Variants in CSMD2 observed in about 807,000 individuals in gnomAD.
CSMD2 encodes CUB and sushi domain-containing protein 2.
A neutral mutation model predicts 398.5 loss-of-function variants in CSMD2; 130 were observed. The observed-to-expected ratio is 0.33, with a 90% confidence interval of 0.28 to 0.38. CSMD2 has a LOEUF of 0.38. Among genes scored for constraint, CSMD2 ranks in the 10% least tolerant of loss-of-function variants. The pLI is 1.00. For missense variants in CSMD2, 3,829 were observed against 4,764.9 expected (o/e 0.80, Z 5.78); for synonymous variants, 1,828 against 1,908.5 (o/e 0.96, Z 1.10).
intron 11 of CSMD2, 136 bp downstream of exon 11, chr1:33,792,287 T>A: frequency 1.5e-6 from 1 of 680,954 alleles, no homozygotes; most frequent in Non-Finnish European, 2.7e-6. Context: ...GAAGGATTAT[T>A]GCTGAAACTA....
At chr1:34,035,586 C>T (rs1651009818) in intron 2 of CSMD2, among the ~76,000 whole-genome samples, 3 of 151,852 alleles carry the variant, frequency 2.0e-5, no homozygotes, top group Admixed American at 2.0e-4. Flanking sequence ...ACCATATTAA[C>T]AGGTTAAAGG....
At chr1:34,010,397 G>A (rs988526611) in intron 3 of CSMD2, among the ~76,000 whole-genome samples, 1 of 152,160 alleles carries the variant, frequency 6.6e-6, no homozygotes, top group African/African-American at 2.4e-5. Flanking sequence ...CATTTAAAAT[G>A]TGCCACATAG....
In CSMD2 at chr1:33,815,919, C is replaced by A. The variant is rs551660102; in HGVS notation, c.1324+3794G>T. Among the ~76,000 whole-genome samples the A allele has an allele frequency of 1.5e-4, 23 of 152,198 alleles. No individual in the cohort carries two copies. In the South Asian group the frequency reaches 4.8e-3, roughly 32 times the overall value. ...GAAGAGAGGAAAGAAGAGAAGAGATCTGAAAATAGAACTCTGGATAACAAT... is the reference window on the plus strand; with the variant it reads ...GAAGAGAGGAAAGAAGAGAAGAGATATGAAAATAGAACTCTGGATAACAAT... On this transcript the variant is annotated intron_variant, in intron 9 of 70. Coordinates refer to ENST00000373381, the MANE Select transcript of CSMD2 (RefSeq NM_001281956.2).
intron 51 of CSMD2, among the ~76,000 whole-genome samples, chr1:33,570,127 GT>G (rs1386623481): frequency 6.6e-6 from 1 of 150,708 alleles, no homozygotes; most frequent in African/African-American, 2.4e-5. Flanking sequence ...CTGCACCACA[GT>G]GTGCAAAGAC....
intron 44 of CSMD2, chr1:33,592,346 C>A (rs1435536748): frequency 1.4e-6 from 1 of 714,692 alleles, no homozygotes; most frequent in South Asian, 1.5e-5. Context: ...TCTCTTGGGT[C>A]CTATTTCAAC....
chr1:34,077,855 T>C, intron 2 of CSMD2, among the ~76,000 whole-genome samples: 1 of 151,726 alleles, frequency 6.6e-6, no homozygotes, highest in Non-Finnish European at 1.5e-5. Context: ...ATTTGGGTGA[T>C]GGATACAACT....
intron 1 of CSMD2, among the ~76,000 whole-genome samples, chr1:34,159,328 GCC>G (rs753448817): frequency 2.5e-5 from 2 of 80,548 alleles, no homozygotes; most frequent in Non-Finnish European, 5.0e-5. Flanking sequence ...TTTACAGCCT[GCC>G]CCCCCCCCAC....
intron 28 of CSMD2, among the ~76,000 whole-genome samples, chr1:33,647,955 C>T (rs1218265937): frequency 6.6e-6 from 1 of 152,166 alleles, no homozygotes; most frequent in East Asian, 1.9e-4. Flanking sequence ...AAGCCAACAC[C>T]ATAGACATCT....
chr1:33,763,006 G>A (rs2149306625), intron 13 of CSMD2, among the ~76,000 whole-genome samples: 1 of 152,286 alleles, frequency 6.6e-6, no homozygotes. Flanking sequence ...CACGGACCCT[G>A]GGAGACTACA....
At chr1:33,962,231 T>C (rs910936621) in intron 3 of CSMD2, among the ~76,000 whole-genome samples, 4 of 152,074 alleles carry the variant, frequency 2.6e-5, no homozygotes, top group African/African-American at 9.7e-5. Flanking sequence ...TCAGGCTTCA[T>C]CCATTTTTAA....
chr1:34,077,892 A>G (rs894768278), intron 2 of CSMD2, among the ~76,000 whole-genome samples: 10 of 152,308 alleles, frequency 6.6e-5, no homozygotes, highest in African/African-American at 2.2e-4. Flanking sequence ...CCATTGTGCA[A>G]TGTATCCATG....
chr1:33,864,533 G>A (rs376207122), intron 5 of CSMD2: 2 of 1,614,130 alleles, frequency 1.2e-6, no homozygotes, highest in Non-Finnish European at 1.7e-6. Flanking sequence ...TGAAGAGGGA[G>A]AACCCGAACT....
chr1:33,894,270 C>T (rs1642234208), intron 5 of CSMD2, among the ~76,000 whole-genome samples: 1 of 152,082 alleles, frequency 6.6e-6, no homozygotes, highest in South Asian at 2.1e-4. Flanking sequence ...ACACGTACAC[C>T]TGTAGCAGGT....
chr1:34,093,663 G>A (rs1658922278), intron 1 of CSMD2, among the ~76,000 whole-genome samples: 1 of 151,784 alleles, frequency 6.6e-6, no homozygotes, highest in African/African-American at 2.4e-5. Context: ...TATCAGCAAT[G>A]GAAGATGAAA....
chr1:34,078,116 G>T (rs1043063263), intron 2 of CSMD2, among the ~76,000 whole-genome samples: 5 of 151,968 alleles, frequency 3.3e-5, no homozygotes, highest in African/African-American at 1.2e-4. Flanking sequence ...GGGACTACAG[G>T]TGGATGCCAC....
At chr1:33,988,128 T>C (rs1308612553) in intron 3 of CSMD2, among the ~76,000 whole-genome samples, 1 of 152,154 alleles carries the variant, frequency 6.6e-6, no homozygotes, top group Non-Finnish European at 1.5e-5. Flanking sequence ...CTCCCCAGAG[T>C]CTAGCGCAGT....
At chr1:33,958,118 C>T (rs935709541) in intron 3 of CSMD2, among the ~76,000 whole-genome samples, 1 of 152,254 alleles carries the variant, frequency 6.6e-6, no homozygotes, top group East Asian at 1.9e-4. Flanking sequence ...CTCCCACCCC[C>T]ACGCCTTTTC....
chr1:33,536,413 C>CGG (rs913602563), intron 62 of CSMD2, among the ~76,000 whole-genome samples: 7 of 152,164 alleles, frequency 4.6e-5, no homozygotes, highest in Non-Finnish European at 7.3e-5. Context: ...TTAGTAGAGA[C>CGG]GGGGTTTCAC....
intron 2 of CSMD2, among the ~76,000 whole-genome samples, chr1:34,048,232 G>A (rs1458065035): frequency 6.6e-6 from 1 of 152,320 alleles, no homozygotes; most frequent in East Asian, 1.9e-4. Context: ...TTATTAACCC[G>A]TGCACAGGTG....
Sources: allele counts gnomAD v4.1 joint callset (sites outside exome capture counted in the v4.1 genomes callset), GRCh38; gene constraint gnomAD v4.1.1; transcripts MANE v1.5; gene names NCBI Gene and HGNC (gene_info 2026-07-23, HGNC 2026-07-21).